The following SHC3 variants were observed in gnomAD, a reference collection of about 807,000 sequenced individuals.
SHC3 encodes SHC adaptor protein 3.
SHC3 carries 15 observed loss-of-function variants against 60.4 expected under a neutral mutation model. The ratio of observed to expected loss-of-function variants is 0.25; its 90% confidence interval spans 0.17 to 0.38. The LOEUF (loss-of-function observed/expected upper bound fraction) is 0.38. SHC3 is among the 10% of genes least tolerant of loss of function. The pLI is 1.00. For synonymous variants in SHC3, 294 were observed against 325.9 expected (o/e 0.90, Z 1.05); for missense variants, 677 against 786.1 (o/e 0.86, Z 1.66).
intron 1 of SHC3, among the ~76,000 whole-genome samples, chr9:89,140,828 G>A (rs897446401): frequency 7.9e-5 from 12 of 152,098 alleles, no homozygotes; most frequent in Admixed American, 7.9e-4. Context: ...CATTAACAGT[G>A]GCAAAAAGAC....
At chr9:89,127,589 G>A (rs760999186) in intron 1 of SHC3, among the ~76,000 whole-genome samples, 10 of 152,238 alleles carry the variant, frequency 6.6e-5, no homozygotes, top group South Asian at 4.1e-4. Flanking sequence ...GTTATCTGAC[G>A]TTTTTGACTT....
chr9:89,093,421 T>C (rs1406397361), intron 2 of SHC3, among the ~76,000 whole-genome samples: 1 of 152,182 alleles, frequency 6.6e-6, no homozygotes, highest in Non-Finnish European at 1.5e-5. Context: ...CTTGACTGCA[T>C]GGATGAAGCA....
chr9:89,030,754 C>G (rs1824473418), intron 11 of SHC3, among the ~76,000 whole-genome samples: 1 of 152,164 alleles, frequency 6.6e-6, no homozygotes, highest in African/African-American at 2.4e-5. Flanking sequence ...CATTATTTCT[C>G]TTAACACTCT....
At chr9:89,086,038 A>T (rs1016647490) in intron 2 of SHC3, among the ~76,000 whole-genome samples, 3 of 152,228 alleles carry the variant, frequency 2.0e-5, no homozygotes, top group Non-Finnish European at 4.4e-5. Flanking sequence ...GAATCTATAC[A>T]ACTTAGCATT....
rs115303173 is a variant in SHC3, at chr9:89,066,388, C to T, written c.784-808G>A. On this transcript the variant is annotated intron_variant, in intron 5 of 11. Transcript: ENST00000375835. ...TTGGACATAAATAATGATCTTAATA[C>T]TTTAATATGTTTTAAAAATATGAGC... Among the ~76,000 whole-genome samples the T allele has an allele frequency of 4.1e-3, 628 of 152,248 alleles. 5 individuals carry two copies. The highest frequency in any genetic ancestry group is 0.015 in the African/African-American group (605 of 41,546).
In SHC3 at chr9:89,047,783, A is replaced by G. The variant is rs376712989; in HGVS notation, c.963-789T>C. On this transcript the variant is annotated intron_variant, in intron 7 of 11. Transcript: ENST00000375835. ...CGTGGGGATATTAGAACCCTCACAC[A>G]TTGCTCATGGGACTGTAAAATGGTG... Among the ~76,000 whole-genome samples, 45 of 152,354 alleles carry G rather than the reference A, an allele frequency of 3.0e-4. No homozygotes were observed. The East Asian group carries it at 8.1e-3, about 27-fold the overall frequency.
At chr9:89,127,788 C>CA (rs141432275) in intron 1 of SHC3, among the ~76,000 whole-genome samples, 6 of 151,958 alleles carry the variant, frequency 3.9e-5, no homozygotes, top group African/African-American at 1.5e-4. Context: ...CACCCCCCCC[C>CA]ACCACTGAGA....
At chr9:89,027,915 C>A (rs1306302448) in intron 11 of SHC3, among the ~76,000 whole-genome samples, 2 of 152,234 alleles carry the variant, frequency 1.3e-5, no homozygotes, top group Admixed American at 1.3e-4. Flanking sequence ...AAGACCACTC[C>A]TCAGTAACTG....
chr9:89,165,177 T>G (rs914443711), intron 1 of SHC3, among the ~76,000 whole-genome samples: 1 of 151,618 alleles, frequency 6.6e-6, no homozygotes, highest in Non-Finnish European at 1.5e-5. Flanking sequence ...GAAAAGCAAG[T>G]CACAGATCAA....
chr9:89,125,258 C>T (rs537882337), intron 1 of SHC3, among the ~76,000 whole-genome samples: 4 of 152,086 alleles, frequency 2.6e-5, no homozygotes, highest in South Asian at 4.1e-4. Flanking sequence ...TCTGCCTGTA[C>T]GAGACATCTA....
At chr9:89,034,616 C>T (rs1347916964) in intron 11 of SHC3, among the ~76,000 whole-genome samples, 1 of 152,186 alleles carries the variant, frequency 6.6e-6, no homozygotes, top group African/African-American at 2.4e-5. Flanking sequence ...CAAGATCACA[C>T]CACATTCTTC....
chr9:89,048,791 G>A (rs1824814125), intron 7 of SHC3, among the ~76,000 whole-genome samples: 1 of 152,204 alleles, frequency 6.6e-6, no homozygotes, highest in African/African-American at 2.4e-5. Context: ...GCTGCACCCT[G>A]CTGGAGGAGC....
At chr9:89,097,878 T>C (rs1391320636) in intron 2 of SHC3, among the ~76,000 whole-genome samples, 2 of 152,252 alleles carry the variant, frequency 1.3e-5, no homozygotes, top group Non-Finnish European at 2.9e-5. Context: ...CATTTAATGA[T>C]GAGAAAATGC....
At chr9:89,147,256 G>T (rs570805253) in intron 1 of SHC3, among the ~76,000 whole-genome samples, 11 of 152,078 alleles carry the variant, frequency 7.2e-5, no homozygotes, top group Non-Finnish European at 1.2e-4. Flanking sequence ...ACTCATCTTG[G>T]TGCTGGGTAG....
intron 2 of SHC3, chr9:89,109,716 C>T (rs1825918560): frequency 1.0e-6 from 1 of 985,342 alleles, no homozygotes; most frequent in Non-Finnish European, 1.2e-6. Context: ...GTGATTCTCA[C>T]CAACATCTTC....
intron 7 of SHC3, among the ~76,000 whole-genome samples, chr9:89,051,063 A>G (rs1824854094): frequency 6.6e-6 from 1 of 152,220 alleles, no homozygotes. Context: ...AGGAAAAGAA[A>G]TGAAAAGTCT....
At chr9:89,042,437 T>C (rs1433444854) in intron 9 of SHC3, among the ~76,000 whole-genome samples, 1 of 152,208 alleles carries the variant, frequency 6.6e-6, no homozygotes, top group Admixed American at 6.5e-5. Context: ...TCCACTGTGA[T>C]GGCCTTAGCA....
At chr9:89,170,878 T>C (rs1202534547) in intron 1 of SHC3, among the ~76,000 whole-genome samples, 9 of 152,242 alleles carry the variant, frequency 5.9e-5, no homozygotes, top group South Asian at 4.1e-4. Flanking sequence ...GCATAAGTTA[T>C]TTGCAAATAC....
chr9:89,045,245 T>A (rs1352837657), intron 9 of SHC3, among the ~76,000 whole-genome samples: 1 of 150,722 alleles, frequency 6.6e-6, no homozygotes, highest in Non-Finnish European at 1.5e-5. Context: ...AGGCACTATC[T>A]GATTGGTGCC....
Sources: allele counts gnomAD v4.1 joint callset (sites outside exome capture counted in the v4.1 genomes callset), GRCh38; gene constraint gnomAD v4.1.1; transcripts MANE v1.5; gene names NCBI Gene and HGNC (gene_info 2026-07-23, HGNC 2026-07-21).